DTNB: variants seen among roughly 807,000 people sequenced by gnomAD.
The protein encoded by DTNB is DTN-B.
A neutral mutation model predicts 90.7 loss-of-function variants in DTNB; 63 were observed. The observed-to-expected ratio is 0.69, with a 90% confidence interval of 0.57 to 0.86. The LOEUF is 0.86. DTNB is among the 40% of genes least tolerant of loss of function. The pLI is 0.00. For missense variants in DTNB, 744 were observed against 807.1 expected (o/e 0.92, Z 0.95); for synonymous variants, 277 against 286.7 (o/e 0.97, Z 0.34).
chr2:25,662,139 G>A (rs938785654), intron 1 of DTNB, among the ~76,000 whole-genome samples: 1 of 147,358 alleles, frequency 6.8e-6, no homozygotes. Context: ...CTGGGTGACA[G>A]AGCGAGACTC....
At chr2:25,397,248 G>A in intron 16 of DTNB, among the ~76,000 whole-genome samples, 1 of 149,526 alleles carries the variant, frequency 6.7e-6, no homozygotes. Context: ...CAAGGGAGAA[G>A]AATTGCTTGA....
chr2:25,445,823 G>A (rs6546181), intron 12 of DTNB, among the ~76,000 whole-genome samples: 138,451 of 152,072 alleles, frequency 0.91, 63,451 homozygotes, highest in African/African-American at 0.98. Flanking sequence ...CTTATCTCCC[G>A]AATTATAACC....
At chr2:25,621,490 A>C in intron 4 of DTNB, among the ~76,000 whole-genome samples, 1 of 142,778 alleles carries the variant, frequency 7.0e-6, no homozygotes, top group African/African-American at 2.6e-5. Context: ...CTTATTGCCC[A>C]GGCTGAAGTG....
At chr2:25,669,521 T>C (rs1238270930) in intron 1 of DTNB, among the ~76,000 whole-genome samples, 1 of 152,130 alleles carries the variant, frequency 6.6e-6, no homozygotes, top group East Asian at 1.9e-4. Context: ...TTTTCATAAA[T>C]ATGACATTAA....
intron 8 of DTNB, among the ~76,000 whole-genome samples, chr2:25,566,776 C>A (rs2059107210): frequency 6.6e-6 from 1 of 152,126 alleles, no homozygotes; most frequent in South Asian, 2.1e-4. Context: ...TCCAGGACAG[C>A]CAAATTTCAA....
intron 1 of DTNB, among the ~76,000 whole-genome samples, chr2:25,654,008 C>A (rs2081568747): frequency 6.6e-6 from 1 of 152,186 alleles, no homozygotes; most frequent in Non-Finnish European, 1.5e-5. Context: ...CATCCTTCCA[C>A]ATGTATCATC....
Position 25,387,271 on chromosome 2 carries a change from G to A in DTNB, c.1825+18C>T. On this transcript the variant is annotated intron_variant, in intron 18 of 20. Coordinates refer to ENST00000406818, the MANE Select transcript of DTNB (RefSeq NM_021907.5). The surrounding 1 kb of genome is among the most constrained non-coding windows in gnomAD (Gnocchi z 4.5). ...GGCAGGGGAGGCCAGGAAGCTGGCT[G>A]GGAGCTCTGGGTTTCACCTGAATGG... 6.2e-7 allele frequency: 1 copy of A among 1,602,424 alleles called. No individual in the cohort carries two copies. The highest frequency in any genetic ancestry group is 1.1e-5 in the South Asian group (1 of 90,576).
chr2:25,672,260 A>G (rs967247495), intron 1 of DTNB, among the ~76,000 whole-genome samples: 2 of 149,610 alleles, frequency 1.3e-5, no homozygotes, highest in Admixed American at 6.6e-5. Flanking sequence ...AACTTGTGGA[A>G]CAGGAGAAAT....
At chr2:25,507,535 A>G (rs517506) in intron 9 of DTNB, among the ~76,000 whole-genome samples, 49,587 of 151,898 alleles carry the variant, frequency 0.33, 9,649 homozygotes, top group African/African-American at 0.53. Flanking sequence ...AGTATTTGTC[A>G]GCAAATACTG....
intron 16 of DTNB, among the ~76,000 whole-genome samples, chr2:25,416,656 ACT>A (rs1268560789): frequency 2.6e-5 from 4 of 152,008 alleles, no homozygotes; most frequent in Admixed American, 1.3e-4. Flanking sequence ...ACAGAGCAAG[ACT>A]CTGTCTCAGA....
chr2:25,552,678 G>A (rs989665123), intron 8 of DTNB, among the ~76,000 whole-genome samples: 8 of 151,924 alleles, frequency 5.3e-5, no homozygotes, highest in Admixed American at 6.6e-5. Context: ...CTTTCCTTCC[G>A]CCTGCCCTGC....
intron 4 of DTNB, among the ~76,000 whole-genome samples, chr2:25,608,970 T>C (rs1460422192): frequency 6.6e-6 from 1 of 152,266 alleles, no homozygotes; most frequent in South Asian, 2.1e-4. Flanking sequence ...TTCAGTGTTC[T>C]GGGGCAGCAG....
chr2:25,604,361 C>T (rs2066593366), intron 5 of DTNB, among the ~76,000 whole-genome samples: 1 of 151,720 alleles, frequency 6.6e-6, no homozygotes, highest in South Asian at 2.1e-4. Flanking sequence ...AGTGAGTTCT[C>T]GTTTCTTTCT....
At chr2:25,659,668 T>G (rs2082747929) in intron 1 of DTNB, among the ~76,000 whole-genome samples, 1 of 152,042 alleles carries the variant, frequency 6.6e-6, no homozygotes, top group Non-Finnish European at 1.5e-5. Context: ...GACCAATTCC[T>G]CAAAAGCTAC....
chr2:25,397,608 G>A (rs1865693), intron 16 of DTNB, among the ~76,000 whole-genome samples: 57,678 of 151,856 alleles, frequency 0.38, 12,523 homozygotes, highest in East Asian at 0.6. Flanking sequence ...GGCCGGGCCC[G>A]GTGGCTCATG....
intron 6 of DTNB, among the ~76,000 whole-genome samples, chr2:25,586,510 CAAA>C (rs1299315782): frequency 1.5e-4 from 8 of 53,820 alleles, no homozygotes; most frequent in Admixed American, 1.9e-4. Flanking sequence ...ACTCTGTCTC[CAAA>C]AAAAAAAAAA....
intron 5 of DTNB, among the ~76,000 whole-genome samples, chr2:25,599,938 A>G (rs546889403): frequency 2.6e-5 from 3 of 113,650 alleles, no homozygotes; most frequent in African/African-American, 9.6e-5. Context: ...CTCTACAAAA[A>G]ATAAAAAAAA....
rs1488220322 is a variant in DTNB, at chr2:25,484,376, A to G, written c.1002-1503T>C. ...TTAAGGACAGAGTTAATTATGTAAAATGTTTCTGGAGAGGTTATACTTAGC... is the reference window on the plus strand; with the variant it reads ...TTAAGGACAGAGTTAATTATGTAAAGTGTTTCTGGAGAGGTTATACTTAGC... On this transcript the variant is annotated intron_variant, in intron 9 of 20. Transcript: ENST00000406818. 2.5e-4 allele frequency among the ~76,000 whole-genome samples: 38 copies of G among 152,158 alleles called. 1 individual carries two copies. The highest frequency in any genetic ancestry group is 2.5e-3 in the Admixed American group (38 of 15,284).
chr2:25,554,632 G>A (rs2056959339), intron 8 of DTNB, among the ~76,000 whole-genome samples: 1 of 152,168 alleles, frequency 6.6e-6, no homozygotes, highest in African/African-American at 2.4e-5. Flanking sequence ...CTGAAGCTGT[G>A]TTTGGAAAAG....
Sources: allele counts gnomAD v4.1 joint callset (sites outside exome capture counted in the v4.1 genomes callset), GRCh38; gene constraint gnomAD v4.1.1; non-coding constraint Gnocchi (gnomAD v3.1); transcripts MANE v1.5; gene names NCBI Gene and HGNC (gene_info 2026-07-23, HGNC 2026-07-21).